The following ARHGEF26 variants were observed in gnomAD, a reference collection of about 807,000 sequenced individuals.
ARHGEF26 encodes the protein Rho guanine nucleotide exchange factor 26.
ARHGEF26 carries 59 observed loss-of-function variants against 89.4 expected under a neutral mutation model. That is an observed-to-expected ratio of 0.66 (90% confidence interval 0.54 to 0.82). The LOEUF (loss-of-function observed/expected upper bound fraction) is 0.82. Among genes scored for constraint, ARHGEF26 ranks in the 40% least tolerant of loss-of-function variants. The pLI is 0.00. For synonymous variants in ARHGEF26, 500 were observed against 428.4 expected, an observed-to-expected ratio of 1.17 and a Z score of -2.06; for missense variants, 1,234 against 1,085.6, an observed-to-expected ratio of 1.14 and a Z score of -1.92.
chr3:154,150,658 G>A (rs946510586), intron 5 of ARHGEF26, among the ~76,000 whole-genome samples: 7 of 151,930 alleles, frequency 4.6e-5, no homozygotes, highest in African/African-American at 1.7e-4. Context: ...CAGTAGGTGG[G>A]ACTTTTTCCT....
chr3:154,253,067 T>A (rs752526185), intron 12 of ARHGEF26, 49 bp from the exon 13 acceptor site: 1 of 1,601,804 alleles, frequency 6.2e-7, no homozygotes, highest in East Asian at 2.2e-5. Context: ...CACTCCATTC[T>A]GTGTTTTTAC....
chr3:154,206,472 G>A (rs1715026309), intron 9 of ARHGEF26, among the ~76,000 whole-genome samples: 1 of 151,986 alleles, frequency 6.6e-6, no homozygotes, highest in South Asian at 2.1e-4. Context: ...ACCAAGAGTG[G>A]GCGATCCAAG....
chr3:154,154,695 C>T (rs1483193504), intron 6 of ARHGEF26, among the ~76,000 whole-genome samples: 2 of 151,966 alleles, frequency 1.3e-5, no homozygotes, highest in East Asian at 1.9e-4. Flanking sequence ...TTATTTTTCT[C>T]AGCCTCTTTA....
chr3:154,188,813 C>T (rs935923810), intron 7 of ARHGEF26, among the ~76,000 whole-genome samples: 3 of 145,384 alleles, frequency 2.1e-5, no homozygotes, highest in Admixed American at 7.2e-5. Context: ...TTTTCCTCCA[C>T]ATCTTCATGA....
intron 6 of ARHGEF26, among the ~76,000 whole-genome samples, chr3:154,176,809 C>A (rs1366762316): frequency 6.6e-6 from 1 of 151,892 alleles, no homozygotes. Context: ...TAAAAAAATA[C>A]ATATATATAT....
chr3:154,142,276 C>T (rs945629680), intron 4 of ARHGEF26, among the ~76,000 whole-genome samples: 2 of 151,798 alleles, frequency 1.3e-5, no homozygotes, highest in African/African-American at 4.8e-5. Flanking sequence ...CCATGTTGGC[C>T]AGGCTGGTCT....
chr3:154,224,105 G>A (rs1208486002), intron 10 of ARHGEF26, among the ~76,000 whole-genome samples: 2 of 152,040 alleles, frequency 1.3e-5, no homozygotes, highest in Non-Finnish European at 2.9e-5. Flanking sequence ...GTTCACACAT[G>A]GATTCTAGTC....
intron 6 of ARHGEF26, among the ~76,000 whole-genome samples, chr3:154,162,982 C>T (rs1576721667): frequency 6.6e-6 from 1 of 152,272 alleles, no homozygotes; most frequent in East Asian, 1.9e-4. Flanking sequence ...AGGAGGTGCT[C>T]CTTCCAATTT....
intron 3 of ARHGEF26, among the ~76,000 whole-genome samples, chr3:154,126,902 A>G (rs1429347559): frequency 2.6e-5 from 4 of 152,212 alleles, no homozygotes; most frequent in Non-Finnish European, 4.4e-5. Context: ...ATAGCCTAGG[A>G]TATATGGTAG....
intron 4 of ARHGEF26, among the ~76,000 whole-genome samples, chr3:154,130,699 C>T (rs1718634394): frequency 6.6e-6 from 1 of 152,114 alleles, no homozygotes; most frequent in Non-Finnish European, 1.5e-5. Flanking sequence ...TTGCGAATAT[C>T]TGATGAATTA....
In ARHGEF26 at chr3:154,254,791, G is replaced by C. The variant is rs1290381246; in HGVS notation, c.2440G>C (p.Asp814His). ...QPDELSLQVA[D>H]VVLIYQRVSD... Reference sequence around the variant, plus strand: ...AGATGAACTCTCCCTGCAGGTGGCTGACGTCGTCCTCATCTATCAACGTGT... The same window carrying C: ...AGATGAACTCTCCCTGCAGGTGGCTCACGTCGTCCTCATCTATCAACGTGT... The change falls in exon 14 of 15, where the codon GAC becomes CAC. Residue 814 changes from aspartate (D) to histidine (H), a missense_variant. Physicochemically the swap from Asp to His is moderately conservative, Grantham distance 81. Transcript: ENST00000465093. The C allele has an allele frequency of 1.2e-6, 2 of 1,613,744 alleles. No homozygotes were observed. The highest frequency in any genetic ancestry group is 1.7e-6 in the Non-Finnish European group (2 of 1,179,840).
chr3:154,184,073 C>T (rs376537424), intron 6 of ARHGEF26, among the ~76,000 whole-genome samples: 7 of 151,026 alleles, frequency 4.6e-5, no homozygotes, highest in East Asian at 1.9e-4. Flanking sequence ...CCTGGGTTCA[C>T]GCCATTCTCC....
At chr3:154,187,871 C>CT in intron 7 of ARHGEF26, 34 bp downstream of exon 7, 1 of 1,569,450 alleles carries the variant, frequency 6.4e-7, no homozygotes, top group Non-Finnish European at 8.7e-7. Context: ...TTTTAATCAT[C>CT]TAACCTAGTT....
intron 6 of ARHGEF26, among the ~76,000 whole-genome samples, chr3:154,179,176 T>G (rs972073873): frequency 5.9e-5 from 9 of 152,190 alleles, no homozygotes; most frequent in Admixed American, 2.0e-4. Flanking sequence ...CGTTTCTTGC[T>G]TCCTCAAAAA....
At chr3:154,204,484 G>A (rs933394151) in intron 9 of ARHGEF26, among the ~76,000 whole-genome samples, 3 of 151,712 alleles carry the variant, frequency 2.0e-5, no homozygotes, top group East Asian at 1.9e-4. Flanking sequence ...ACAGGTACAT[G>A]CCTGGCTAAT....
At chr3:154,131,155 A>T (rs1466741952) in intron 4 of ARHGEF26, among the ~76,000 whole-genome samples, 2 of 152,182 alleles carry the variant, frequency 1.3e-5, no homozygotes, top group Non-Finnish European at 2.9e-5. Flanking sequence ...TGAATATGTG[A>T]TGCTGGTATA....
intron 9 of ARHGEF26, among the ~76,000 whole-genome samples, chr3:154,205,000 G>A (rs1714923902): frequency 6.6e-6 from 1 of 152,124 alleles, no homozygotes; most frequent in East Asian, 1.9e-4. Context: ...GAAATGTTCT[G>A]TAAATATCTA....
At chr3:154,131,814 T>G (rs1228905107) in intron 4 of ARHGEF26, among the ~76,000 whole-genome samples, 2 of 152,246 alleles carry the variant, frequency 1.3e-5, no homozygotes, top group East Asian at 3.8e-4. Context: ...TTATGCCTCC[T>G]GGAGTTTGGC....
intron 9 of ARHGEF26, among the ~76,000 whole-genome samples, chr3:154,199,716 G>C (rs1048300970): frequency 1.3e-5 from 2 of 152,056 alleles, no homozygotes; most frequent in African/African-American, 4.8e-5. Flanking sequence ...CCACATCCTT[G>C]CCAGCATTTG....
Sources: allele counts gnomAD v4.1 joint callset (sites outside exome capture counted in the v4.1 genomes callset), GRCh38; gene constraint gnomAD v4.1.1; transcripts MANE v1.5; gene names NCBI Gene and HGNC (gene_info 2026-07-23, HGNC 2026-07-21).